TVP23A: variants seen among roughly 807,000 people sequenced by gnomAD.
TVP23A encodes trans-golgi network vesicle protein 23 homolog A.
A neutral mutation model predicts 31.7 loss-of-function variants in TVP23A; 21 were observed. The ratio of observed to expected loss-of-function variants is 0.66; its 90% CI spans 0.47 to 0.95. The LOEUF (loss-of-function observed/expected upper bound fraction) is 0.95, where lower values mean the gene tolerates loss of function less well. TVP23A is among the 40% of genes least tolerant of loss of function. The pLI is 0.00. For missense variants in TVP23A, 279 were observed against 255.6 expected (o/e 1.09, Z -0.62); for synonymous variants, 104 against 96.0 (o/e 1.08, Z -0.49).
In TVP23A at chr16:10,768,300, G is replaced by T; in HGVS notation, c.*802C>A. The T allele has an allele frequency of 9.8e-6, 2 of 204,396 alleles. No individual in the cohort carries two copies. The highest frequency in any genetic ancestry group is 1.9e-5 in the Non-Finnish European group (2 of 107,314). 12.7% of individuals were successfully genotyped at this position (204,396 alleles called of 1,614,324 possible). ...GGGATAAAGTAATTCATTTTTAAAA[G>T]TAACTGATAAAAAAAAAAAAGGCCA... On this transcript the variant is annotated 3_prime_UTR_variant, in exon 8 of 8. Transcript: ENST00000299866. This position sits in a 1 kb window ranked among gnomAD's most constrained non-coding sequence, Gnocchi z 4.3.
rs1555488364 is a variant in TVP23A, at chr16:10,818,716, CG to C, written c.-224del. ...AGGCTGGGGAGGGGGCTCGGCTCGC[CG>C]GGGACGCGCCCAGGAGAGAAAGCGG... On this transcript the variant is annotated 5_prime_UTR_variant, in exon 1 of 8. Transcript: ENST00000299866. This position sits in a 1 kb window ranked among gnomAD's most constrained non-coding sequence, Gnocchi z 4.7. 6 of 504,044 alleles carry C rather than the reference CG, an allele frequency of 1.2e-5. No individual in the cohort carries two copies. The highest frequency in any genetic ancestry group is 3.1e-5 in the South Asian group (1 of 31,766). 31.2% of individuals were successfully genotyped at this position (504,044 alleles called of 1,614,324 possible). A position where few individuals can be genotyped will look rare whatever the true frequency, so the allele number is the denominator to read the frequency against.
intron 2 of TVP23A, among the ~76,000 whole-genome samples, chr16:10,805,155 CCAAGT>C (rs1169066630): frequency 6.6e-6 from 1 of 151,976 alleles, no homozygotes; most frequent in East Asian, 1.9e-4. Context: ...CCTCAGCCTC[CCAAGT>C]AGTGGGGATT....
intron 2 of TVP23A, among the ~76,000 whole-genome samples, chr16:10,787,546 G>C (rs918407688): frequency 6.6e-6 from 1 of 152,166 alleles, no homozygotes; most frequent in Non-Finnish European, 1.5e-5. Flanking sequence ...TAAGATTAGG[G>C]TTGGGGGGGC....
intron 2 of TVP23A, chr16:10,775,299 G>A (rs895504882): frequency 5.0e-6 from 7 of 1,396,280 alleles, no homozygotes; most frequent in Non-Finnish European, 6.5e-6. Context: ...TGCTGACACT[G>A]TTTTTTTTCC....
chr16:10,763,353 G>T (rs548417649), downstream of TVP23A, among the ~76,000 whole-genome samples: 1 of 152,084 alleles, frequency 6.6e-6, no homozygotes, highest in African/African-American at 2.4e-5. Context: ...GAAGTGGTAG[G>T]GGGGTAGGGT....
At chr16:10,765,113 G>A (rs2030670387), downstream of TVP23A, 1 of 153,362 alleles carries the variant, frequency 6.5e-6, no homozygotes, top group Non-Finnish European at 1.5e-5. The surrounding 1 kb of genome is among the most constrained non-coding windows in gnomAD (Gnocchi z 4.0). Flanking sequence ...GTGGATTTTG[G>A]AGCATGGCAG....
chr16:10,768,745 A>G lies in TVP23A; in HGVS notation c.*357T>C, dbSNP rs113469969. On this transcript the variant is annotated 3_prime_UTR_variant, in exon 8 of 8. Coordinates refer to ENST00000299866, the MANE Select transcript of TVP23A (RefSeq NM_001079512.4). The surrounding 1 kb of genome is among the most constrained non-coding windows in gnomAD (Gnocchi z 4.3). The stretch of plus-strand genomic sequence containing the variant: ...GTGTTTGTTAAAGCTGTGGTCTCTG[A>G]GTTTGTGGCTGGGTTTTACTTGCCT... 15,644 of 314,686 alleles carry G rather than the reference A, an allele frequency of 0.05. 499 individuals carry two copies. Among genetic ancestry groups the G allele is most frequent in the Middle Eastern group, 0.078 (91 of 1,166 alleles). 19.5% of individuals were successfully genotyped at this position (314,686 alleles called of 1,614,324 possible).
intron 2 of TVP23A, among the ~76,000 whole-genome samples, chr16:10,797,955 C>CTTTTTTTTTT (rs1162130562): frequency 8.1e-6 from 1 of 122,936 alleles, no homozygotes; most frequent in African/African-American, 3.2e-5. Context: ...TTTTCTTTTT[C>CTTTTTTTTTT]TTTTTTTTTT....
intron 2 of TVP23A, among the ~76,000 whole-genome samples, chr16:10,800,835 T>A (rs1307984738): frequency 6.6e-6 from 1 of 151,898 alleles, no homozygotes; most frequent in African/African-American, 2.4e-5. Flanking sequence ...AATAATTTTT[T>A]AAAAACTTAG....
intron 2 of TVP23A, among the ~76,000 whole-genome samples, chr16:10,815,156 C>G (rs559890559): frequency 1.3e-4 from 18 of 138,630 alleles, no homozygotes; most frequent in African/African-American, 5.8e-4. Flanking sequence ...CTGTGGGAGG[C>G]TGAAGTAGGT....
rs144933462 is a variant in TVP23A, at chr16:10,781,850, C to CTT, written c.90-6756_90-6755dup. 0.011 allele frequency among the ~76,000 whole-genome samples: 1,004 copies of CTT among 90,952 alleles called. 268 individuals are homozygous for CTT. The East Asian group carries it at 0.24, about 22-fold the overall frequency. The allele number at this position is 90,952 out of a possible 152,430, so 59.7% of individuals were successfully genotyped here. On this transcript the variant is annotated intron_variant, in intron 2 of 7. Coordinates refer to ENST00000299866, the MANE Select transcript of TVP23A (RefSeq NM_001079512.4). ...AGCCCTCCTTCACAACTAACACAAT[C>CTT]TTTTTTTTTTTTTTTTTTTTTTTTT...
At chr16:10,811,784 G>A (rs1596580900) in intron 2 of TVP23A, among the ~76,000 whole-genome samples, 1 of 151,384 alleles carries the variant, frequency 6.6e-6, no homozygotes. Context: ...GGCACCTGTA[G>A]TCCCATCTAC....
downstream of TVP23A, among the ~76,000 whole-genome samples, chr16:10,762,483 C>T (rs11641553): frequency 0.27 from 41,177 of 151,946 alleles, 6,620 homozygotes; most frequent in Middle Eastern, 0.44. Context: ...CCACTCGCCG[C>T]GGGGCGCTGG....
In TVP23A at chr16:10,775,062, G is replaced by A. The variant is rs767850230; in HGVS notation, c.124C>T (p.Arg42Ter). 9.3e-6 allele frequency: 15 copies of A among 1,610,700 alleles called. No homozygotes were observed. The highest frequency in any genetic ancestry group is 1.1e-5 in the South Asian group (1 of 90,352). ...ACGTAGGTGACGATGGCACTCACTC[G>A]GAAAAACAGGTGGAAAAAGGTGGCC... is the stretch of plus-strand genomic sequence containing the variant. Reference protein sequence around the residue: ...PLATFFHLFFRVSAIVTYVSC... With the variant: ...PLATFFHLFF The change falls in exon 3 of 8, where the codon CGA (arginine) becomes TGA (stop). Residue 42 changes from arginine (R) to a stop codon, truncating the protein, a stop_gained. Coordinates refer to ENST00000299866, the MANE Select transcript of TVP23A (RefSeq NM_001079512.4). LOFTEE classifies it high-confidence loss of function.
downstream of TVP23A, chr16:10,758,118 A>G: frequency 6.9e-7 from 1 of 1,448,312 alleles, no homozygotes; most frequent in Non-Finnish European, 9.4e-7. Context: ...TGGTCTCACC[A>G]AGGCTCTTCC....
At chr16:10,775,652 G>T in intron 2 of TVP23A, 1 of 665,438 alleles carries the variant, frequency 1.5e-6, no homozygotes. Flanking sequence ...AGGGGAAGGT[G>T]GTTCTTGTTC....
Position 10,769,077 on chromosome 16 carries a change from C to G in TVP23A, c.*25G>C. 6.2e-7 allele frequency: 1 copy of G among 1,613,972 alleles called. No individual in the cohort carries two copies. Among genetic ancestry groups the G allele is most frequent in the Non-Finnish European group, 8.5e-7 (1 of 1,179,972 alleles). On this transcript the variant is annotated 3_prime_UTR_variant, in exon 8 of 8. Coordinates refer to ENST00000299866, the MANE Select transcript of TVP23A (RefSeq NM_001079512.4). ...CAAGAGTTTTGTAATCTCCATCAGT[C>G]AAAAGAAGAGAACCTCATCAGTTCC...
At chr16:10,789,417 AC>A (rs2032965207) in intron 2 of TVP23A, among the ~76,000 whole-genome samples, 2 of 152,174 alleles carry the variant, frequency 1.3e-5, no homozygotes, top group Admixed American at 6.5e-5. Context: ...AATATGAGTG[AC>A]CGTAGCCCAT....
downstream of TVP23A, chr16:10,761,915 G>A (rs759313983): frequency 2.3e-5 from 32 of 1,396,286 alleles, 1 homozygote; most frequent in East Asian, 2.1e-4. Flanking sequence ...CCACAGGCAC[G>A]GGTCGGGCAC....
Sources: allele counts gnomAD v4.1 joint callset (sites outside exome capture counted in the v4.1 genomes callset), GRCh38; gene constraint gnomAD v4.1.1; non-coding constraint Gnocchi (gnomAD v3.1); transcripts MANE v1.5; gene names NCBI Gene and HGNC (gene_info 2026-07-23, HGNC 2026-07-21).